Variants in ASIC2 observed in about 807,000 individuals in gnomAD.
The protein encoded by ASIC2 is acid sensing ion channel subunit 2.
A neutral mutation model predicts 57.3 loss-of-function variants in ASIC2; 25 were observed. The observed-to-expected ratio is 0.44, with a 90% confidence interval of 0.32 to 0.61. The LOEUF (loss-of-function observed/expected upper bound fraction) is 0.61, where lower values mean the gene tolerates loss of function less well. Ranked by LOEUF, ASIC2 falls within the 20% of genes least tolerant of loss-of-function variation. The pLI, the probability that ASIC2 is intolerant of heterozygous loss-of-function variation, is 0.06. For synonymous variants in ASIC2, 319 were observed against 307.5 expected (o/e 1.04, Z -0.39); for missense variants, 641 against 738.1 (o/e 0.87, Z 1.52).
Position 33,618,132 on chromosome 17 carries a change from C to G in ASIC2, c.556-506065G>C, listed in dbSNP as rs903980966. 4.6e-5 allele frequency among the ~76,000 whole-genome samples: 7 copies of G among 152,022 alleles called. No homozygotes were observed. The East Asian group carries it at 1.4e-3, about 30-fold the overall frequency. On this transcript the variant is annotated intron_variant, in intron 1 of 9. Coordinates refer to the ASIC2 transcript ENST00000359872. ...ACCTAGTTATCCATCCCCAGGAATT[C>G]AAGCCACTGTCGAATCCATATTCTG...
intron 4 of ASIC2, 104 bp downstream of exon 4, chr17:33,028,138 G>A (rs2091866475): frequency 7.0e-7 from 1 of 1,434,882 alleles, no homozygotes. Flanking sequence ...TCATCCTTTT[G>A]GATCCCAGCG....
At chr17:33,953,250 G>A (rs1255493259) in intron 1 of ASIC2, among the ~76,000 whole-genome samples, 3 of 152,008 alleles carry the variant, frequency 2.0e-5, no homozygotes, top group Non-Finnish European at 4.4e-5. Flanking sequence ...TTTCTACAAT[G>A]AGCACATGCT....
At chr17:33,109,651 C>T (rs1452732254) in intron 2 of ASIC2, among the ~76,000 whole-genome samples, 1 of 152,142 alleles carries the variant, frequency 6.6e-6, no homozygotes, top group Non-Finnish European at 1.5e-5. Context: ...CTCCTGCACC[C>T]CTGATGATGA....
chr17:33,046,681 G>A (rs2091956459), intron 3 of ASIC2, among the ~76,000 whole-genome samples: 1 of 152,140 alleles, frequency 6.6e-6, no homozygotes, highest in African/African-American at 2.4e-5. Flanking sequence ...CAAGCTTCAG[G>A]GCTTAGCCCT....
chr17:33,984,504 T>C (rs1448609307), intron 1 of ASIC2: 1 of 152,206 alleles, frequency 6.6e-6, no homozygotes, highest in Admixed American at 6.5e-5. Flanking sequence ...GCCTCTTGCC[T>C]AGGATTAAAG....
intron 1 of ASIC2, among the ~76,000 whole-genome samples, chr17:33,195,450 G>A (rs913297001): frequency 3.9e-5 from 6 of 152,156 alleles, no homozygotes; most frequent in East Asian, 1.9e-4. Flanking sequence ...GACAAAATTC[G>A]ATTTTGTTAT....
At chr17:33,269,419 C>T (rs1904355270) in intron 1 of ASIC2, among the ~76,000 whole-genome samples, 1 of 152,140 alleles carries the variant, frequency 6.6e-6, no homozygotes, top group African/African-American at 2.4e-5. Flanking sequence ...AATGACACCC[C>T]CATCAATAGT....
chr17:33,302,939 C>A (rs1175767229), intron 1 of ASIC2, among the ~76,000 whole-genome samples: 1 of 152,198 alleles, frequency 6.6e-6, no homozygotes, highest in East Asian at 1.9e-4. Flanking sequence ...CTTTCCAATT[C>A]TATTCTCTCT....
At chr17:33,710,271 C>G (rs1908987102) in intron 1 of ASIC2, among the ~76,000 whole-genome samples, 1 of 152,238 alleles carries the variant, frequency 6.6e-6, no homozygotes, top group Non-Finnish European at 1.5e-5. Flanking sequence ...ATCCATTCAT[C>G]CATCTAGTCA....
At chr17:33,996,758 G>A (rs1906174160) in intron 1 of ASIC2, among the ~76,000 whole-genome samples, 1 of 152,134 alleles carries the variant, frequency 6.6e-6, no homozygotes, top group Non-Finnish European at 1.5e-5. Flanking sequence ...GGTTACTATA[G>A]CTTTGTAGCA....
chr17:33,280,782 G>A (rs1171159376), intron 1 of ASIC2, among the ~76,000 whole-genome samples: 1 of 152,202 alleles, frequency 6.6e-6, no homozygotes, highest in Non-Finnish European at 1.5e-5. Context: ...TTTTCTCTGT[G>A]AGACTGTGCT....
At chr17:34,074,662 G>A (rs1364259769) in intron 1 of ASIC2, among the ~76,000 whole-genome samples, 4 of 152,000 alleles carry the variant, frequency 2.6e-5, no homozygotes, top group Non-Finnish European at 4.4e-5. Flanking sequence ...CAGAAAACAC[G>A]CTTAGGAAGG....
At chr17:33,525,870 GTCA>G (rs1914872206) in intron 1 of ASIC2, among the ~76,000 whole-genome samples, 1 of 152,200 alleles carries the variant, frequency 6.6e-6, no homozygotes, top group Non-Finnish European at 1.5e-5. Flanking sequence ...GACCCCACTA[GTCA>G]TCAGTGGTCA....
intron 1 of ASIC2, among the ~76,000 whole-genome samples, chr17:34,060,047 A>C (rs1317480157): frequency 6.6e-6 from 1 of 152,218 alleles, no homozygotes. Context: ...CAGCACAAAA[A>C]TAGAGCATTA....
At chr17:34,070,863 G>A (rs1909372828) in intron 1 of ASIC2, 1 of 152,344 alleles carries the variant, frequency 6.6e-6, no homozygotes. Context: ...GACTCCAAGA[G>A]AGGTTTAGGG....
chr17:33,415,524 A>G (rs565875345), intron 1 of ASIC2, among the ~76,000 whole-genome samples: 23 of 134,910 alleles, frequency 1.7e-4, no homozygotes, highest in African/African-American at 4.9e-4. Context: ...GAGTCTTTGG[A>G]TTTTTCTGAG....
intron 3 of ASIC2, among the ~76,000 whole-genome samples, chr17:33,038,869 C>CA (rs1225598968): frequency 7.3e-6 from 1 of 136,388 alleles, no homozygotes; most frequent in Non-Finnish European, 1.5e-5. Flanking sequence ...GGCGCTGCAG[C>CA]AAGCACAGCT....
At chr17:33,855,347 A>G (rs1053902372) in intron 1 of ASIC2, among the ~76,000 whole-genome samples, 2 of 152,182 alleles carry the variant, frequency 1.3e-5, no homozygotes, top group Non-Finnish European at 2.9e-5. Context: ...GTTGGACGCA[A>G]TTCTTGGTTC....
At chr17:33,561,709 A>G (rs1391739016) in intron 1 of ASIC2, among the ~76,000 whole-genome samples, 4 of 151,052 alleles carry the variant, frequency 2.6e-5, no homozygotes, top group Non-Finnish European at 4.4e-5. Context: ...TGTGTATTGA[A>G]AGAAGAGCAG....
Sources: gnomAD v4.1 joint callset for allele counts (sites outside exome capture counted in the v4.1 genomes callset) on GRCh38, gnomAD v4.1.1 for gene constraint, MANE v1.5 for transcripts, NCBI Gene and HGNC (gene_info 2026-07-23, HGNC 2026-07-21) for gene names.